DYNC2I1: variants seen among roughly 807,000 people sequenced by gnomAD.
DYNC2I1 encodes dynein 2 intermediate chain 1.
DYNC2I1 carries 89 observed loss-of-function variants against 133.4 expected under a neutral mutation model. The ratio of observed to expected loss-of-function variants is 0.67; its 90% CI spans 0.56 to 0.80. The LOEUF (loss-of-function observed/expected upper bound fraction) is 0.80, where lower values mean the gene tolerates loss of function less well. Among genes scored for constraint, DYNC2I1 ranks in the 30% least tolerant of loss-of-function variants. DYNC2I1 has a pLI of 0.00. For missense variants in DYNC2I1, 1,291 were observed against 1,314.5 expected, an observed-to-expected ratio of 0.98 and a Z score of 0.28; for synonymous variants, 504 against 484.3, an observed-to-expected ratio of 1.04 and a Z score of -0.54.
At chr7:158,865,821 A>G (rs539954825) in intron 1 of DYNC2I1, among the ~76,000 whole-genome samples, 22 of 152,292 alleles carry the variant, frequency 1.4e-4, no homozygotes, top group African/African-American at 5.3e-4. Context: ...TGTGGTTTAC[A>G]TGTGGCAAGT....
rs1269675905 is a variant in DYNC2I1 at position 158,887,086 on chromosome 7, C to G, written c.990+11C>G. The G allele has an allele frequency of 8.1e-6, 13 of 1,612,114 alleles. No homozygotes were observed. The highest frequency in any genetic ancestry group is 1.1e-5 in the Non-Finnish European group (13 of 1,178,230). On this transcript the variant is annotated intron_variant, in intron 7 of 24. Transcript: ENST00000407559. ...GATTCAAGACGGAAGGTAAGGCAGT[C>G]TCCACTGAGAATACATTGATTTTAT...
chr7:158,923,566 T>C lies in DYNC2I1; in HGVS notation c.2095-5T>C. On this transcript the variant is annotated splice_polypyrimidine_tract_variant and splice_region_variant and intron_variant, in intron 16 of 24. Coordinates refer to ENST00000407559, the MANE Select transcript of DYNC2I1 (RefSeq NM_018051.5). ...TCATTGGCTTTCTGTGCCTTTGTCT[T>C]TTAGGTCACGTGTTGCTGCTTGAGC... 1.9e-6 allele frequency: 3 copies of C among 1,614,058 alleles called. No homozygotes were observed. Among genetic ancestry groups the C allele is most frequent in the Non-Finnish European group, 2.5e-6 (3 of 1,179,904 alleles).
intron 4 of DYNC2I1, among the ~76,000 whole-genome samples, chr7:158,953,265 T>C (rs1316619034): frequency 7.5e-6 from 1 of 133,480 alleles, no homozygotes; most frequent in Admixed American, 7.5e-5. Context: ...CTCTCCTGAA[T>C]TGAGTGACAC....
the DYNC2I1 span, among the ~76,000 whole-genome samples, chr7:158,850,314 C>T: frequency 1.3e-5 from 2 of 152,214 alleles, no homozygotes; most frequent in Non-Finnish European, 2.9e-5. Flanking sequence ...GCACGTCCAG[C>T]TGCTGCAGCT....
In DYNC2I1 at chr7:158,937,472, A is replaced by C. The variant is rs145499765; in HGVS notation, c.2778+2923A>C. ...AAACCCCATCTGTACTAAAAATACAAAAAATTAGCCTGGCGTGGTGGCGGG... is the reference window on the plus strand; with the variant it reads ...AAACCCCATCTGTACTAAAAATACACAAAATTAGCCTGGCGTGGTGGCGGG... On this transcript the variant is annotated intron_variant, in intron 23 of 24. Coordinates refer to ENST00000407559, the MANE Select transcript of DYNC2I1 (RefSeq NM_018051.5). Among the ~76,000 whole-genome samples, 530 of 152,200 alleles carry C rather than the reference A, an allele frequency of 3.5e-3. 7 individuals are homozygous for C. The highest frequency in any genetic ancestry group is 3.4e-3 in the Middle Eastern group (1 of 294).
chr7:158,932,541 C>T (rs946661339), intron 21 of DYNC2I1, among the ~76,000 whole-genome samples: 1 of 151,734 alleles, frequency 6.6e-6, no homozygotes, highest in African/African-American at 2.4e-5. Context: ...GCAGGTGAGT[C>T]AGGCCCTAAC....
At chr7:158,956,730 CGT>C (rs1184783754) in exon 5 of DYNC2I1, 1 of 152,408 alleles carries the variant, frequency 6.6e-6, no homozygotes, top group African/African-American at 2.4e-5. Flanking sequence ...GGGGACTATA[CGT>C]GCCCTGCTTA....
intron 15 of DYNC2I1, among the ~76,000 whole-genome samples, chr7:158,921,302 G>T (rs1181850117): frequency 6.6e-6 from 1 of 152,158 alleles, no homozygotes. Flanking sequence ...CTGTGTCTTG[G>T]GTAGAAGCGA....
chr7:158,866,500 G>A (rs1045812956), intron 1 of DYNC2I1, among the ~76,000 whole-genome samples: 9 of 151,952 alleles, frequency 5.9e-5, no homozygotes, highest in Non-Finnish European at 1.2e-4. Flanking sequence ...TATCCTGGGC[G>A]TCCCCTCTCT....
chr7:158,930,125 G>A (rs1472887172), intron 20 of DYNC2I1, among the ~76,000 whole-genome samples: 1 of 151,494 alleles, frequency 6.6e-6, no homozygotes, highest in Non-Finnish European at 1.5e-5. Flanking sequence ...TGTGATCTAA[G>A]GCTTATTTAG....
chr7:158,910,749 C>G (rs536267580), intron 11 of DYNC2I1, among the ~76,000 whole-genome samples: 1 of 147,446 alleles, frequency 6.8e-6, no homozygotes, highest in Non-Finnish European at 1.5e-5. Flanking sequence ...TTGGCTGTGT[C>G]AGACCTGTGG....
intron 20 of DYNC2I1, among the ~76,000 whole-genome samples, chr7:158,930,073 C>T (rs1017033398): frequency 1.5e-4 from 23 of 152,234 alleles, no homozygotes; most frequent in African/African-American, 4.8e-4. Context: ...TTCCTGTAGG[C>T]GTTGGAGCCT....
At chr7:158,896,945 C>G (rs1845811890) in intron 8 of DYNC2I1, among the ~76,000 whole-genome samples, 1 of 150,594 alleles carries the variant, frequency 6.6e-6, no homozygotes, top group South Asian at 2.1e-4. Flanking sequence ...TTCTTTCTGC[C>G]TCTGTGCCCT....
chr7:158,851,479 A>G, the DYNC2I1 span, among the ~76,000 whole-genome samples: 202 of 152,030 alleles, frequency 1.3e-3, no homozygotes, highest in Non-Finnish European at 2.5e-3. Context: ...CTGAAATTGC[A>G]CCATTGTAGT....
At chr7:158,938,066 C>T (rs1200893945) in intron 23 of DYNC2I1, among the ~76,000 whole-genome samples, 1 of 152,102 alleles carries the variant, frequency 6.6e-6, no homozygotes, top group Non-Finnish European at 1.5e-5. Flanking sequence ...GAAATGATAA[C>T]AGAAAACTTT....
rs1297205333 is a variant in DYNC2I1, at chr7:158,902,530, G to A, written c.1292G>A (p.Gly431Asp). 9.3e-6 allele frequency: 15 copies of A among 1,613,890 alleles called. No homozygotes were observed. The highest frequency in any genetic ancestry group is 4.5e-5 in the East Asian group (2 of 44,896). The part of the protein sequence containing the change: ...RAINAENERI[G>D]ELSLKLFQKR... ...ATTAATGCAGAAAATGAAAGGATTGGCGAGTTATCTTTGAAACTGTTTCAG... is the reference window on the plus strand; with the variant it reads ...ATTAATGCAGAAAATGAAAGGATTGACGAGTTATCTTTGAAACTGTTTCAG... The change falls in exon 10 of 25, where the codon GGC becomes GAC. Residue 431 changes from glycine (G) to aspartate (D), a missense_variant. Physicochemically the swap from Gly to Asp is moderately conservative, Grantham distance 94. Transcript: ENST00000407559.
At chr7:158,870,715 G>A (rs1304430317) in intron 2 of DYNC2I1, among the ~76,000 whole-genome samples, 3 of 151,820 alleles carry the variant, frequency 2.0e-5, no homozygotes, top group African/African-American at 7.3e-5. Context: ...CCATATTTTG[G>A]GGGTACAGGT....
At chr7:158,952,884 G>T (rs1048871506) in intron 4 of DYNC2I1, among the ~76,000 whole-genome samples, 1 of 152,182 alleles carries the variant, frequency 6.6e-6, no homozygotes, top group Non-Finnish European at 1.5e-5. Context: ...CACCTCCCAG[G>T]GTGCGCCCCC....
At chr7:158,932,248 A>G (rs1360577834) in intron 21 of DYNC2I1, among the ~76,000 whole-genome samples, 1 of 152,194 alleles carries the variant, frequency 6.6e-6, no homozygotes, top group Middle Eastern at 3.2e-3. Flanking sequence ...CAGGATGTGC[A>G]CAAGGCTTGT....
Sources: gnomAD v4.1 joint callset for allele counts (sites outside exome capture counted in the v4.1 genomes callset) on GRCh38, gnomAD v4.1.1 for gene constraint, MANE v1.5 for transcripts, NCBI Gene and HGNC (gene_info 2026-07-23, HGNC 2026-07-21) for gene names.